Variants in GOLM2 observed in about 807,000 individuals in gnomAD.
GOLM2 encodes golgi membrane protein 2.
GOLM2 carries 26 observed loss-of-function variants against 55.9 expected under a neutral mutation model. The observed-to-expected ratio is 0.47, with a 90% CI of 0.34 to 0.65. The LOEUF is 0.65. Ranked by LOEUF, GOLM2 falls within the 30% of genes least tolerant of loss-of-function variation. GOLM2 has a pLI of 0.01. For missense variants in GOLM2, 486 were observed against 531.8 expected, an observed-to-expected ratio of 0.91 and a Z score of 0.85; for synonymous variants, 165 against 194.6, an observed-to-expected ratio of 0.85 and a Z score of 1.27.
intron 1 of GOLM2, among the ~76,000 whole-genome samples, chr15:44,297,909 C>T (rs2078769005): frequency 7.0e-6 from 1 of 142,428 alleles, no homozygotes; most frequent in Admixed American, 7.4e-5. Flanking sequence ...GCTCTGTTGC[C>T]CAGGCTGCAG....
intron 1 of GOLM2, among the ~76,000 whole-genome samples, chr15:44,299,757 A>C (rs2078783632): frequency 1.3e-5 from 2 of 151,884 alleles, no homozygotes. Context: ...ACAAAGCTTG[A>C]CATTTAATAA....
chr15:44,326,519 CCTA>C (rs2078981834), intron 2 of GOLM2, among the ~76,000 whole-genome samples: 1 of 151,682 alleles, frequency 6.6e-6, no homozygotes, highest in African/African-American at 2.4e-5. Context: ...TGTTCAAAAT[CCTA>C]CTGTCAGACA....
rs149573628 is a variant in GOLM2, at chr15:44,318,589, G to T, written c.328-4376G>T. Among the ~76,000 whole-genome samples the T allele has an allele frequency of 4.4e-3, 663 of 152,098 alleles. 4 individuals carry two copies. The highest frequency in any genetic ancestry group is 0.015 in the African/African-American group (643 of 41,484). On this transcript the variant is annotated intron_variant, in intron 1 of 9. Coordinates refer to ENST00000299957, the MANE Select transcript of GOLM2 (RefSeq NM_138423.4). ...CTGTGTGTGGTGGTATGTGCCTGTA[G>T]TCCAAGCTACTTGGGAGGCTAAGGC...
chr15:44,398,065 T>C (rs778252468), intron 8 of GOLM2, among the ~76,000 whole-genome samples: 5 of 152,234 alleles, frequency 3.3e-5, no homozygotes, highest in African/African-American at 4.8e-5. Flanking sequence ...ATAAGGCAGA[T>C]CAGATTTCAG....
chr15:44,402,896 T>C lies in GOLM2; in HGVS notation c.1082T>C (p.Phe361Ser), dbSNP rs1242248626. The change falls in exon 9 of 10, where the codon TTT becomes TCT. Residue 361 changes from phenylalanine to serine, a missense_variant. Transcript: ENST00000299957. ...TCTACCTACTTCACAGGCCGATTCT[T>C]TGATGAAAATGAATCCCCTGTTGAT... Reference protein sequence around the residue: ...DFHKLKQSRFFDENESPVDPQ... With the variant: ...DFHKLKQSRFSDENESPVDPQ... The C allele has an allele frequency of 1.1e-5, 18 of 1,613,844 alleles. No homozygotes were observed. The highest frequency in any genetic ancestry group is 2.7e-5 in the African/African-American group (2 of 74,892).
intron 1 of GOLM2, among the ~76,000 whole-genome samples, chr15:44,300,795 C>G (rs1443202010): frequency 1.3e-5 from 2 of 152,136 alleles, no homozygotes; most frequent in East Asian, 3.9e-4. Context: ...AGGCTTTTTT[C>G]TAGGGACAGA....
chr15:44,395,697 G>A (rs1444205919), intron 8 of GOLM2, among the ~76,000 whole-genome samples: 1 of 151,534 alleles, frequency 6.6e-6, no homozygotes, highest in African/African-American at 2.4e-5. Context: ...AAAATCAGCT[G>A]GGTGTGGTGG....
chr15:44,388,581 G>C (rs903728834), intron 8 of GOLM2, among the ~76,000 whole-genome samples: 1 of 151,822 alleles, frequency 6.6e-6, no homozygotes. Flanking sequence ...GGCTGAGTTA[G>C]CAGGATTCTT....
Position 44,289,918 on chromosome 15 carries a change from G to A in GOLM2, c.327+562G>A, listed in dbSNP as rs2078708286. On this transcript the variant is annotated intron_variant, in intron 1 of 9. Transcript: ENST00000299957. This position sits in a 1 kb window ranked among gnomAD's most constrained non-coding sequence, Gnocchi z 4.8. ...TGTGATCAAAATGTTATGATAGATGGGCCCTCGAGCTATATGTGAGACACA... is the reference window on the plus strand; with the variant it reads ...TGTGATCAAAATGTTATGATAGATGAGCCCTCGAGCTATATGTGAGACACA... Among the ~76,000 whole-genome samples, 1 of 152,104 alleles carries A rather than the reference G, an allele frequency of 6.6e-6. No individual in the cohort carries two copies. The highest frequency in any genetic ancestry group is 1.5e-5 in the Non-Finnish European group (1 of 68,022).
At position 44,288,746 on chromosome 15, in the gene GOLM2, T is replaced by A. The variant is rs1467143062; in HGVS notation, c.-284T>A. ...CGCCTCCCAACCGTGAGGTGTTGGG[T>A]TTGGGGGACGCTGGCAGCTGGGTTC... On this transcript the variant is annotated 5_prime_UTR_variant, in exon 1 of 10. Coordinates refer to ENST00000299957, the MANE Select transcript of GOLM2 (RefSeq NM_138423.4). 6 of 437,214 alleles carry A rather than the reference T, an allele frequency of 1.4e-5. No homozygotes were observed. 27.1% of individuals were successfully genotyped at this position (437,214 alleles called of 1,614,324 possible).
chr15:44,314,378 G>A (rs932749379), intron 1 of GOLM2, among the ~76,000 whole-genome samples: 12 of 152,056 alleles, frequency 7.9e-5, no homozygotes, highest in Admixed American at 6.6e-5. Flanking sequence ...GGCCAACATG[G>A]TGAAACCCCA....
chr15:44,403,389 C>T (rs899220718), intron 9 of GOLM2, among the ~76,000 whole-genome samples: 3 of 151,988 alleles, frequency 2.0e-5, no homozygotes, highest in South Asian at 2.1e-4. Flanking sequence ...CTCAAACTCC[C>T]GACCTCAGGT....
rs1365562588 is a variant in GOLM2 at position 44,378,626 on chromosome 15, A to G, written c.803-1064A>G. Among the ~76,000 whole-genome samples the G allele has an allele frequency of 6.6e-5, 10 of 152,022 alleles. No individual in the cohort carries two copies. In the South Asian group the frequency reaches 2.1e-3, roughly 32 times the overall value. On this transcript the variant is annotated intron_variant, in intron 6 of 9. Coordinates refer to ENST00000299957, the MANE Select transcript of GOLM2 (RefSeq NM_138423.4). ...ATAAGTAAATAAAAGAAAAGAAAAG[A>G]AAATTTGAGCAACTAAAAATAACAT...
At chr15:44,380,737 C>A in intron 7 of GOLM2, 69 bp from the exon 8 acceptor site, 1 of 1,105,404 alleles carries the variant, frequency 9.0e-7, no homozygotes, top group Non-Finnish European at 1.2e-6. Context: ...TAAAGCAGAT[C>A]TTGTGAAATT....
intron 6 of GOLM2, among the ~76,000 whole-genome samples, chr15:44,344,233 C>G (rs2079107166): frequency 6.7e-6 from 1 of 148,680 alleles, no homozygotes; most frequent in Admixed American, 6.7e-5. Context: ...GCACTCCAGC[C>G]TGGTGTCAGA....
chr15:44,406,854 G>C (rs1473403559), intron 9 of GOLM2: 1 of 151,896 alleles, frequency 6.6e-6, no homozygotes, highest in East Asian at 1.9e-4. Flanking sequence ...CTTTGGCTTT[G>C]GTCTCCAAAA....
At chr15:44,381,751 T>C (rs1054833800) in intron 8 of GOLM2, among the ~76,000 whole-genome samples, 4 of 152,246 alleles carry the variant, frequency 2.6e-5, no homozygotes, top group Non-Finnish European at 5.9e-5. Context: ...AGATTGCGTG[T>C]AAGCTAATAA....
rs563399603 is a variant in GOLM2 at position 44,301,192 on chromosome 15, C to T, written c.327+11836C>T. 4.6e-5 allele frequency among the ~76,000 whole-genome samples: 7 copies of T among 152,234 alleles called. No individual in the cohort carries two copies. In the South Asian group the frequency reaches 1.2e-3, roughly 27 times the overall value. ...GACTCCTGGCCTCAAGTGATCCTCC[C>T]GCCTCAGCATCTCAAAGTGCTGGGA... On this transcript the variant is annotated intron_variant, in intron 1 of 9. Transcript: ENST00000299957.
intron 6 of GOLM2, among the ~76,000 whole-genome samples, chr15:44,362,407 CAGAG>C (rs1403272526): frequency 6.6e-6 from 1 of 150,744 alleles, no homozygotes; most frequent in African/African-American, 2.4e-5. Context: ...AACAGACAAA[CAGAG>C]AGCCAAATCA....
Sources: gnomAD v4.1 joint callset for allele counts (sites outside exome capture counted in the v4.1 genomes callset) on GRCh38, gnomAD v4.1.1 for gene constraint, Gnocchi (gnomAD v3.1) non-coding constraint, MANE v1.5 for transcripts, NCBI Gene and HGNC (gene_info 2026-07-23, HGNC 2026-07-21) for gene names.